The following IPO7 variants were observed in gnomAD, a reference collection of about 807,000 sequenced individuals.
The protein encoded by IPO7 is importin 7.
In IPO7, 13 loss-of-function variants were observed where a neutral mutation model predicts 136.4. The observed-to-expected ratio is 0.10, with a 90% CI of 0.06 to 0.15. The LOEUF (loss-of-function observed/expected upper bound fraction) is 0.15, where lower values mean the gene tolerates loss of function less well. Ranked by LOEUF, IPO7 falls within the 10% of genes least tolerant of loss-of-function variation. IPO7 has a pLI of 1.00. For synonymous variants in IPO7, 403 were observed against 404.4 expected (o/e 1.00, Z 0.04); for missense variants, 857 against 1,240.6 (o/e 0.69, Z 4.65).
rs778488808 is a variant in IPO7 at position 9,408,634 on chromosome 11, C to A, written c.315C>A (p.Leu105=). Residue 105 remains leucine (L), a synonymous_variant, in exon 3 of 25, where the codon CTC becomes CTA. Coordinates refer to ENST00000379719, the MANE Select transcript of IPO7 (RefSeq NM_006391.3). ...IVEAIIHSPE[L]IRVQLTTCIH... ...AAGCCATTATCCATTCTCCTGAGCT[C>A]ATCAGGTATGTATTTTTAAAATTTA... 1 of 1,553,904 alleles carries A rather than the reference C, an allele frequency of 6.4e-7. No individual in the cohort carries two copies. Among genetic ancestry groups the A allele is most frequent in the Non-Finnish European group, 8.7e-7 (1 of 1,151,206 alleles).
At chr11:9,409,504 G>A (rs868687673) in intron 3 of IPO7, among the ~76,000 whole-genome samples, 4 of 151,784 alleles carry the variant, frequency 2.6e-5, no homozygotes, top group East Asian at 1.9e-4. Context: ...CTCAGCCCCC[G>A]GAGTAGCTGG....
chr11:9,437,356 G>A (rs1346860572), intron 20 of IPO7, among the ~76,000 whole-genome samples: 2 of 69,710 alleles, frequency 2.9e-5, no homozygotes, highest in African/African-American at 6.8e-5. Context: ...CCAGGTTCAC[G>A]CCATTCTCCT....
chr11:9,400,046 A>G (rs1426442865), intron 1 of IPO7, among the ~76,000 whole-genome samples: 1 of 152,184 alleles, frequency 6.6e-6, no homozygotes, highest in African/African-American at 2.4e-5. Flanking sequence ...ATGGTGTAGT[A>G]TTTGCTTATA....
chr11:9,431,144 G>T (rs1409519909), intron 16 of IPO7, 141 bp downstream of exon 16: 2 of 551,964 alleles, frequency 3.6e-6, no homozygotes, highest in Non-Finnish European at 6.1e-6. Flanking sequence ...TATATTTTAA[G>T]TTCTAAAGTA....
intron 6 of IPO7, among the ~76,000 whole-genome samples, chr11:9,418,178 C>T (rs945347982): frequency 6.6e-6 from 1 of 151,508 alleles, no homozygotes; most frequent in Admixed American, 6.6e-5. Flanking sequence ...TCAAGCAATT[C>T]CCTGCCTCAG....
At chr11:9,411,032 TC>T (rs1394399244) in intron 4 of IPO7, among the ~76,000 whole-genome samples, 23 of 152,232 alleles carry the variant, frequency 1.5e-4, no homozygotes, top group Admixed American at 1.5e-3. Context: ...TTTCTTGTGT[TC>T]CCACCAGCTA....
chr11:9,391,747 T>C (rs1464689858), intron 1 of IPO7, among the ~76,000 whole-genome samples: 1 of 152,148 alleles, frequency 6.6e-6, no homozygotes, highest in Admixed American at 6.6e-5. Context: ...AGCATAAAAA[T>C]AATATTTTAA....
intron 1 of IPO7, among the ~76,000 whole-genome samples, chr11:9,399,882 T>C (rs1351183606): frequency 6.6e-6 from 1 of 152,162 alleles, no homozygotes; most frequent in African/African-American, 2.4e-5. Flanking sequence ...CCTAACTCCT[T>C]CTGTTCAGGT....
chr11:9,437,700 T>A (rs1855399035), intron 20 of IPO7, 54 bp from the exon 21 acceptor site: 2 of 1,274,982 alleles, frequency 1.6e-6, no homozygotes, highest in Non-Finnish European at 2.2e-6. Flanking sequence ...ATTTTTAGAA[T>A]GTTTGCATGC....
At chr11:9,442,979 C>T (rs1162630792) in intron 24 of IPO7, among the ~76,000 whole-genome samples, 1 of 151,806 alleles carries the variant, frequency 6.6e-6, no homozygotes, top group African/African-American at 2.4e-5. Context: ...GTTGAGATTG[C>T]ACTACTGTTC....
At chr11:9,402,670 C>T (rs1854817940) in intron 1 of IPO7, 2 of 152,776 alleles carry the variant, frequency 1.3e-5, no homozygotes, top group Non-Finnish European at 2.9e-5. Flanking sequence ...CCAGCCTGGC[C>T]AATACAGTGA....
intron 1 of IPO7, among the ~76,000 whole-genome samples, chr11:9,395,943 G>A (rs1288064005): frequency 1.3e-5 from 2 of 150,960 alleles, no homozygotes; most frequent in Admixed American, 1.3e-4. Flanking sequence ...GGCTGGTCTC[G>A]AACTCCTGAC....
intron 24 of IPO7, among the ~76,000 whole-genome samples, chr11:9,444,836 C>CAAAAAA (rs1044435694): frequency 2.8e-5 from 2 of 71,098 alleles, no homozygotes; most frequent in African/African-American, 4.4e-5. Flanking sequence ...GACTCTGTCT[C>CAAAAAA]AAAAAAAAAA....
rs1425953642 is a variant in IPO7 at position 9,396,173 on chromosome 11, A to G, written c.85-7117A>G. Among the ~76,000 whole-genome samples, 5 of 151,754 alleles carry G rather than the reference A, an allele frequency of 3.3e-5. No individual in the cohort carries two copies. In the East Asian group the frequency reaches 9.7e-4, roughly 30 times the overall value. On this transcript the variant is annotated intron_variant, in intron 1 of 24. Coordinates refer to ENST00000379719, the MANE Select transcript of IPO7 (RefSeq NM_006391.3). Reference sequence around the variant, plus strand: ...CACTTTGGGAGGCCCAGGTGGGTGGACCACTTGAGGTCAGGAGTTGGAGAC... The same window carrying G: ...CACTTTGGGAGGCCCAGGTGGGTGGGCCACTTGAGGTCAGGAGTTGGAGAC...
chr11:9,410,068 A>G lies in IPO7; in HGVS notation c.461A>G (p.Gln154Arg). ...CTAGGAATTCTTCTTTGCCTTTATCAGCTTGTGAAAAATTATGAGTAAGTG... is the reference window on the plus strand; with the variant it reads ...CTAGGAATTCTTCTTTGCCTTTATCGGCTTGTGAAAAATTATGAGTAAGTG... ...CWLGILLCLY[Q>R]LVKNYEYKKP... The change falls in exon 4 of 25, where the codon CAG (glutamine) becomes CGG (arginine). Residue 154 changes from glutamine (Q) to arginine (R), a missense_variant. Around this residue, in one of 11 missense-constraint regions of IPO7, gnomAD observed 287 missense variants for 307.5 expected, o/e 0.93. Transcript: ENST00000379719. The G allele has an allele frequency of 6.3e-7, 1 of 1,591,956 alleles. No individual in the cohort carries two copies. Among genetic ancestry groups the G allele is most frequent in the Non-Finnish European group, 8.5e-7 (1 of 1,172,140 alleles).
At chr11:9,394,918 G>C (rs1312973313) in intron 1 of IPO7, among the ~76,000 whole-genome samples, 1 of 152,172 alleles carries the variant, frequency 6.6e-6, no homozygotes, top group Non-Finnish European at 1.5e-5. Flanking sequence ...AGGTGATTTT[G>C]TGTTATGGTT....
rs764573898 is a variant in IPO7, at chr11:9,423,761, A to T, written c.1042-16A>T. The T allele has an allele frequency of 1.4e-5, 21 of 1,493,416 alleles. No individual in the cohort carries two copies. Among genetic ancestry groups the T allele is most frequent in the Non-Finnish European group, 1.9e-5 (21 of 1,092,556 alleles). The allele number at this position is 1,493,416 out of a possible 1,614,324, so 92.5% of individuals were successfully genotyped here. A position where few individuals can be genotyped will look rare whatever the true frequency, so the allele number is the denominator to read the frequency against. ...GAAAACTGATGGTTATTGTTTTCTT[A>T]ACTTTTAAATTGCAGGGCATTATCC... On this transcript the variant is annotated splice_polypyrimidine_tract_variant and intron_variant, in intron 9 of 24. Coordinates refer to ENST00000379719, the MANE Select transcript of IPO7 (RefSeq NM_006391.3).
In IPO7 at chr11:9,433,614, T is replaced by A; in HGVS notation, c.1926T>A (p.Thr642=). 1 of 1,612,914 alleles carries A rather than the reference T, an allele frequency of 6.2e-7. No homozygotes were observed. The highest frequency in any genetic ancestry group is 2.2e-5 in the East Asian group (1 of 44,852). ...GAATCTGCTTACAGGTCATTGGTAC[T>A]GTTTTACAACAGCATGTCTTAGGTA... is the stretch of plus-strand genomic sequence containing the variant. ...LEGICLQVIG[T]VLQQHVLEFY... The change falls in exon 17 of 25, where the codon ACT becomes ACA. Residue 642 remains threonine (T), a synonymous_variant. Transcript: ENST00000379719.
At chr11:9,388,181 A>ATT (rs200566610) in intron 1 of IPO7, among the ~76,000 whole-genome samples, 9 of 146,088 alleles carry the variant, frequency 6.2e-5, no homozygotes, top group Admixed American at 2.0e-4. Flanking sequence ...AAATAAATAA[A>ATT]TTTTTTTTTT....
Sources: allele counts gnomAD v4.1 joint callset (sites outside exome capture counted in the v4.1 genomes callset), GRCh38; gene constraint gnomAD v4.1.1; regional missense constraint gnomAD v4.1.1; transcripts MANE v1.5; gene names NCBI Gene and HGNC (gene_info 2026-07-23, HGNC 2026-07-21).